UMODL1: variants seen among roughly 807,000 people sequenced by gnomAD.
The protein encoded by UMODL1 is uromodulin-like 1.
In UMODL1, 128 loss-of-function variants were observed where a neutral mutation model predicts 136.3. That is an observed-to-expected ratio of 0.94 (90% CI 0.81 to 1.09). UMODL1 has a LOEUF of 1.09. Among genes scored for constraint, UMODL1 ranks in the 50% least tolerant of loss-of-function variants. The pLI is 0.00. For synonymous variants in UMODL1, 721 were observed against 720.0 expected, an observed-to-expected ratio of 1.00 and a Z score of -0.02; for missense variants, 1,766 against 1,725.6, an observed-to-expected ratio of 1.02 and a Z score of -0.41.
In UMODL1 at chr21:42,099,007, A is replaced by G. The variant is rs1261146163; in HGVS notation, c.1013A>G (p.Gln338Arg). ...GTATCCTGGCGTTTAAATTCTACAC[A>G]GAACCACACTTTCCATGTCCGGGTT... ...FQVSWRLNST[Q>R]NHTFHVRVYR... The change falls in exon 7 of 23, where the codon CAG (glutamine) becomes CGG (arginine). Residue 338 changes from glutamine to arginine, a missense_variant. Gln to Arg is a conservative substitution (Grantham distance 43). Coordinates refer to ENST00000408910, the MANE Select transcript of UMODL1 (RefSeq NM_001004416.3). The surrounding 1 kb of genome is among the most constrained non-coding windows in gnomAD (Gnocchi z 4.1). 1.9e-6 allele frequency: 3 copies of G among 1,614,208 alleles called. No homozygotes were observed. Among genetic ancestry groups the G allele is most frequent in the Non-Finnish European group, 2.5e-6 (3 of 1,180,046 alleles).
At chr21:42,134,058 CA>C (rs1340911987) in intron 21 of UMODL1, among the ~76,000 whole-genome samples, 1 of 152,282 alleles carries the variant, frequency 6.6e-6, no homozygotes, top group East Asian at 1.9e-4. Context: ...GCTGGGGCTG[CA>C]GGTGTTGTGG....
chr21:42,135,969 G>C (rs1255618981), intron 21 of UMODL1, among the ~76,000 whole-genome samples: 1 of 152,198 alleles, frequency 6.6e-6, no homozygotes, highest in African/African-American at 2.4e-5. Context: ...GCTCCTGGTT[G>C]CACAGAAAGG....
At chr21:42,087,691 G>A (rs1407773676) in intron 4 of UMODL1, among the ~76,000 whole-genome samples, 2 of 152,234 alleles carry the variant, frequency 1.3e-5, no homozygotes, top group Admixed American at 1.3e-4. Context: ...AGGGTCCTGG[G>A]TCTGGCTGCT....
At chr21:42,107,416 G>A (rs751444995) in intron 9 of UMODL1, among the ~76,000 whole-genome samples, 2 of 152,072 alleles carry the variant, frequency 1.3e-5, no homozygotes, top group African/African-American at 2.4e-5. Context: ...GCTCCCACCC[G>A]CCTCGCCACT....
At position 42,111,537 on chromosome 21, in the gene UMODL1, C is replaced by T; in HGVS notation, c.1931C>T (p.Ser644Phe). ...GGAAACTCCATCATGGAGCCACCCT[C>T]CTGGCCTTCCCCTACTGAGGACCCC... ...LQGNSIMEPP[S>F]WPSPTEDPTG... Residue 644 changes from serine to phenylalanine, a missense_variant, in exon 12 of 23, where the codon TCC becomes TTC. By Grantham distance (155) the Ser-to-Phe change is radical. Coordinates refer to ENST00000408910, the MANE Select transcript of UMODL1 (RefSeq NM_001004416.3). 6.2e-7 allele frequency: 1 copy of T among 1,614,114 alleles called. No homozygotes were observed. The highest frequency in any genetic ancestry group is 1.1e-5 in the South Asian group (1 of 91,086).
At chr21:42,101,725 T>C (rs1401663422) in intron 7 of UMODL1, 2 of 456,588 alleles carry the variant, frequency 4.4e-6, no homozygotes, top group Non-Finnish European at 8.8e-6. Flanking sequence ...TCTTGAGAAG[T>C]TGGACTTTCA....
At chr21:42,135,921 C>T (rs138162178) in intron 21 of UMODL1, among the ~76,000 whole-genome samples, 703 of 152,264 alleles carry the variant, frequency 4.6e-3, no homozygotes, top group Middle Eastern at 0.038. Flanking sequence ...GCAGACTGCC[C>T]GGAAATCAAT....
intron 2 of UMODL1, among the ~76,000 whole-genome samples, chr21:42,082,138 G>C (rs2066369580): frequency 6.6e-6 from 1 of 152,206 alleles, no homozygotes; most frequent in South Asian, 2.1e-4. Context: ...AGGAGAGCGG[G>C]GATGCAGGCT....
intron 20 of UMODL1, 116 bp downstream of exon 20, chr21:42,127,947 A>G: frequency 7.2e-7 from 1 of 1,381,868 alleles, no homozygotes; most frequent in Non-Finnish European, 1.0e-6. Flanking sequence ...AACCTCTGGG[A>G]GGAGTCGCTG....
chr21:42,123,871 G>A lies in UMODL1; in HGVS notation c.3147+721G>A, dbSNP rs1181211090. ...CTGTCGGAGGGACTGTGTTCCTAGC[G>A]AACATTCTCTATTTCAGGGTCCTGG... On this transcript the variant is annotated intron_variant, in intron 17 of 22. Coordinates refer to ENST00000408910, the MANE Select transcript of UMODL1 (RefSeq NM_001004416.3). This position sits in a 1 kb window ranked among gnomAD's most constrained non-coding sequence, Gnocchi z 4.4. Among the ~76,000 whole-genome samples, 7 of 152,212 alleles carry A rather than the reference G, an allele frequency of 4.6e-5. No individual in the cohort carries two copies. Among genetic ancestry groups the A allele is most frequent in the African/African-American group, 1.2e-4 (5 of 41,448 alleles).
At chr21:42,114,330 C>T (rs1280508934) in intron 13 of UMODL1, among the ~76,000 whole-genome samples, 3 of 152,264 alleles carry the variant, frequency 2.0e-5, no homozygotes, top group African/African-American at 7.2e-5. Context: ...CACTGCGTTC[C>T]AGCTGGACAG....
At chr21:42,141,372 G>A (rs1186030211) in intron 22 of UMODL1, among the ~76,000 whole-genome samples, 2 of 152,144 alleles carry the variant, frequency 1.3e-5, no homozygotes, top group Non-Finnish European at 2.9e-5. Context: ...AGTATTCTGG[G>A]GTCTCAGGAC....
At chr21:42,110,016 C>G (rs220121) in intron 10 of UMODL1, among the ~76,000 whole-genome samples, 57,769 of 152,012 alleles carry the variant, frequency 0.38, 11,024 homozygotes, top group East Asian at 0.52. Context: ...CTTGGGCCCA[C>G]AGAAGTCAGG....
Position 42,129,773 on chromosome 21 carries a change from TG to T in UMODL1, c.3755del (p.Gly1252AspfsTer40). 6.3e-7 allele frequency: 1 copy of T among 1,591,406 alleles called. No homozygotes were observed. Among genetic ancestry groups the T allele is most frequent in the Admixed American group, 1.8e-5 (1 of 55,762 alleles). The stretch of plus-strand genomic sequence containing the variant: ...AACCTCTGCCACACACCAGATGTCC[TG>T]GGGACCCCTCATCCGGTCTGAAGGT... ...SETSATHQMS[W>X]GPLIRSEGEP... is the part of the protein sequence containing the mutation. On this transcript the variant is annotated frameshift_variant, in exon 21 of 23. Coordinates refer to ENST00000408910, the MANE Select transcript of UMODL1 (RefSeq NM_001004416.3). LOFTEE classifies it high-confidence loss of function.
chr21:42,115,942 G>A lies in UMODL1; in HGVS notation c.2432G>A (p.Ser811Asn). Residue 811 changes from serine to asparagine, a missense_variant, in exon 14 of 23, where the codon AGC becomes AAC. Ser to Asn is a conservative substitution (Grantham distance 46). Transcript: ENST00000408910. ...VRYSESFRNA[S>N]SQEYRDFLEL... ...TACTCAGAATCCTTTCGCAACGCAA[G>A]CAGCCAGGAGTATCGAGATTTCCTA... 6.2e-7 allele frequency: 1 copy of A among 1,613,990 alleles called. No individual in the cohort carries two copies. The highest frequency in any genetic ancestry group is 8.5e-7 in the Non-Finnish European group (1 of 1,179,982).
In UMODL1 at chr21:42,129,802, G is replaced by A. The variant is rs1387338224; in HGVS notation, c.3775+5G>A. On this transcript the variant is annotated splice_donor_5th_base_variant and intron_variant, in intron 21 of 22. Transcript: ENST00000408910. ...GACCCCTCATCCGGTCTGAAGGTGA[G>A]TTGATGACTTGGTTTAGACAATGAA... 3.2e-6 allele frequency: 5 copies of A among 1,559,770 alleles called. No individual in the cohort carries two copies. Among genetic ancestry groups the A allele is most frequent in the Non-Finnish European group, 3.5e-6 (4 of 1,159,328 alleles).
intron 18 of UMODL1, 82 bp downstream of exon 18, chr21:42,126,572 C>A (rs1286721640): frequency 1.5e-5 from 24 of 1,585,842 alleles, no homozygotes; most frequent in Non-Finnish European, 2.0e-5. Context: ...GGGTGTCAAC[C>A]ACTTAAGGAC....
intron 4 of UMODL1, among the ~76,000 whole-genome samples, chr21:42,087,039 A>G (rs1434937664): frequency 6.6e-6 from 1 of 152,218 alleles, no homozygotes; most frequent in Non-Finnish European, 1.5e-5. Flanking sequence ...CTTAAATCAT[A>G]CATGTAAAGA....
chr21:42,137,941 T>C (rs940939346), intron 22 of UMODL1, among the ~76,000 whole-genome samples: 1 of 151,706 alleles, frequency 6.6e-6, no homozygotes, highest in Non-Finnish European at 1.5e-5. Flanking sequence ...GCGTGCAGCC[T>C]CCCTTCTGAA....
Sources: allele counts gnomAD v4.1 joint callset (sites outside exome capture counted in the v4.1 genomes callset), GRCh38; gene constraint gnomAD v4.1.1; non-coding constraint Gnocchi (gnomAD v3.1); transcripts MANE v1.5; gene names NCBI Gene and HGNC (gene_info 2026-07-23, HGNC 2026-07-21).